The following UGT1A9 variants were observed in gnomAD, a reference collection of about 807,000 sequenced individuals.
The protein encoded by UGT1A9 is UDP-glucuronosyltransferase 1A9.
In UGT1A9, 35 loss-of-function variants were observed where a neutral mutation model predicts 45.0. The observed-to-expected ratio is 0.78, with a 90% CI of 0.59 to 1.03. UGT1A9 has a LOEUF of 1.03. Ranked by LOEUF, UGT1A9 falls within the 50% of genes least tolerant of loss-of-function variation. The pLI is 0.00. For missense variants in UGT1A9, 687 were observed against 666.6 expected, an observed-to-expected ratio of 1.03 and a Z score of -0.34; for synonymous variants, 278 against 250.6, an observed-to-expected ratio of 1.11 and a Z score of -1.03.
chr2:233,724,359 C>T (rs1387977005), intron 1 of UGT1A9, among the ~76,000 whole-genome samples: 12 of 146,792 alleles, frequency 8.2e-5, no homozygotes, highest in South Asian at 2.3e-4. Context: ...ACCTCCCTCC[C>T]GGACGGGGTG....
chr2:233,708,677 G>C (rs1252536651), intron 1 of UGT1A9: 1 of 152,186 alleles, frequency 6.6e-6, no homozygotes, highest in African/African-American at 2.4e-5. Context: ...TTTGAGCCCA[G>C]GAGTTCAAGG....
chr2:233,695,558 A>G (rs544000149), intron 1 of UGT1A9, among the ~76,000 whole-genome samples: 2 of 150,968 alleles, frequency 1.3e-5, no homozygotes, highest in South Asian at 2.1e-4. Context: ...TTAACCAACC[A>G]TTTTCACCCC....
intron 1 of UGT1A9, among the ~76,000 whole-genome samples, chr2:233,730,659 C>T (rs572509077): frequency 5.9e-5 from 9 of 152,094 alleles, no homozygotes; most frequent in South Asian, 4.2e-4. Context: ...TCTCAGAGTT[C>T]GGAAGGCAAA....
At chr2:233,752,155 C>T (rs1694901340) in intron 1 of UGT1A9, among the ~76,000 whole-genome samples, 1 of 152,178 alleles carries the variant, frequency 6.6e-6, no homozygotes, top group African/African-American at 2.4e-5. Flanking sequence ...CTTCTAGATG[C>T]TTTCTAGTGT....
chr2:233,752,781 C>T (rs1162563529), intron 1 of UGT1A9, among the ~76,000 whole-genome samples: 1 of 152,170 alleles, frequency 6.6e-6, no homozygotes, highest in African/African-American at 2.4e-5. Flanking sequence ...AATAACCAAA[C>T]AAGCTTTACA....
chr2:233,687,657 C>T (rs1575438647), intron 1 of UGT1A9, among the ~76,000 whole-genome samples: 1 of 149,950 alleles, frequency 6.7e-6, no homozygotes, highest in Non-Finnish European at 1.5e-5. Context: ...AATCACAGCA[C>T]TTTAGGAGGC....
chr2:233,740,284 G>T (rs932768125), intron 1 of UGT1A9, among the ~76,000 whole-genome samples: 1 of 151,852 alleles, frequency 6.6e-6, no homozygotes, highest in Non-Finnish European at 1.5e-5. Flanking sequence ...ATACTGAAAG[G>T]GTTTAAAGGA....
chr2:233,694,162 A>G (rs2075203052), intron 1 of UGT1A9, among the ~76,000 whole-genome samples: 1 of 152,214 alleles, frequency 6.6e-6, no homozygotes, highest in South Asian at 2.1e-4. Context: ...CAGTTCAAAC[A>G]GAGGTGAAGG....
intron 1 of UGT1A9, among the ~76,000 whole-genome samples, chr2:233,745,802 C>T (rs1262659143): frequency 2.0e-5 from 3 of 151,022 alleles, no homozygotes; most frequent in Non-Finnish European, 2.9e-5. Context: ...GGGTCTATCC[C>T]AGAGTTTTGA....
chr2:233,708,372 C>T (rs959388871), intron 1 of UGT1A9: 5 of 152,104 alleles, frequency 3.3e-5, no homozygotes, highest in African/African-American at 9.7e-5. Context: ...TTCATTTAAA[C>T]GTCTTTTGTG....
intron 1 of UGT1A9, chr2:233,761,293 G>T (rs1697736724): frequency 6.6e-7 from 1 of 1,522,496 alleles, no homozygotes; most frequent in African/African-American, 1.4e-5. Context: ...TTGACTCCTA[G>T]GTTTGAGTCT....
At chr2:233,749,910 C>A (rs1694301201) in intron 1 of UGT1A9, among the ~76,000 whole-genome samples, 1 of 151,934 alleles carries the variant, frequency 6.6e-6, no homozygotes, top group South Asian at 2.1e-4. Context: ...CCACCTGGAA[C>A]TGTGAGTCAA....
At position 233,769,451 on chromosome 2, in the gene UGT1A9, G is replaced by A; in HGVS notation, c.1295+1012G>A. On this transcript the variant is annotated intron_variant, in intron 4 of 4. Transcript: ENST00000354728. This position sits in a 1 kb window ranked among gnomAD's most constrained non-coding sequence, Gnocchi z 4.4. ...TGTGCTCATGTGTGGGTGCACACGT[G>A]TGCATTCATATGCGTGTGTGTGTGT... is the stretch of plus-strand genomic sequence containing the variant. 1 of 1,590,738 alleles carries A rather than the reference G, an allele frequency of 6.3e-7. No homozygotes were observed. Among genetic ancestry groups the A allele is most frequent in the Non-Finnish European group, 8.6e-7 (1 of 1,161,554 alleles).
In UGT1A9 at chr2:233,722,423, G is replaced by C. The variant is rs1325775698; in HGVS notation, c.856-44611G>C. ...TCCTTGATTTAAAGTTTATGGATAG[G>C]TTGAATTATTTGATTGGTCTTCTCA... On this transcript the variant is annotated intron_variant, in intron 1 of 4. Transcript: ENST00000354728. Among the ~76,000 whole-genome samples, 3 of 152,154 alleles carry C rather than the reference G, an allele frequency of 2.0e-5. No homozygotes were observed. The East Asian group carries it at 5.8e-4, about 29-fold the overall frequency.
chr2:233,730,008 C>A (rs1346345319), intron 1 of UGT1A9: 25 of 1,613,892 alleles, frequency 1.5e-5, no homozygotes, highest in Non-Finnish European at 2.1e-5. Context: ...GTATTGGTGC[C>A]TTCATCCAAT....
At chr2:233,765,421 C>T (rs1411731251) in intron 1 of UGT1A9, among the ~76,000 whole-genome samples, 1 of 152,188 alleles carries the variant, frequency 6.6e-6, no homozygotes, top group Non-Finnish European at 1.5e-5. Context: ...GAATACTATG[C>T]AGCCATAACA....
At position 233,773,098 on chromosome 2, in the gene UGT1A9, G is replaced by T; in HGVS notation, c.*539G>T. 6.4e-6 allele frequency: 1 copy of T among 156,852 alleles called. No homozygotes were observed. The highest frequency in any genetic ancestry group is 6.1e-5 in the Admixed American group (1 of 16,412). 9.7% of individuals were successfully genotyped at this position (156,852 alleles called of 1,614,324 possible). ...AATGGCTTGGAGTGCACTGAGAACA[G>T]CATATGATTTCTTGCTTTGGGGAAA... On this transcript the variant is annotated 3_prime_UTR_variant, in exon 5 of 5. Coordinates refer to ENST00000354728, the MANE Select transcript of UGT1A9 (RefSeq NM_021027.3).
chr2:233,732,710 C>T (rs1261368099), intron 1 of UGT1A9, among the ~76,000 whole-genome samples: 1 of 149,516 alleles, frequency 6.7e-6, no homozygotes, highest in Non-Finnish European at 1.5e-5. Flanking sequence ...TTACTGTAGC[C>T]TTGTAGTACA....
rs555999540 is a variant in UGT1A9 at position 233,720,422 on chromosome 2, G to T, written c.856-46612G>T. 1.8e-4 allele frequency among the ~76,000 whole-genome samples: 28 copies of T among 152,172 alleles called. 1 individual carries two copies. The Middle Eastern group carries it at 0.027, about 148-fold the overall frequency. On this transcript the variant is annotated intron_variant, in intron 1 of 4. Coordinates refer to ENST00000354728, the MANE Select transcript of UGT1A9 (RefSeq NM_021027.3). ...AGTGGGTGGAAGGGACTAGGGAGGA[G>T]ATAAGACCGTGAATCTATAAGCCCA...
Sources: gnomAD v4.1 joint callset for allele counts (sites outside exome capture counted in the v4.1 genomes callset) on GRCh38, gnomAD v4.1.1 for gene constraint, Gnocchi (gnomAD v3.1) non-coding constraint, MANE v1.5 for transcripts, NCBI Gene and HGNC (gene_info 2026-07-23, HGNC 2026-07-21) for gene names.